The following KCNH1 variants were observed in gnomAD, a reference collection of about 807,000 sequenced individuals.
The protein encoded by KCNH1 is voltage-gated delayed rectifier potassium channel KCNH1.
In KCNH1, 27 loss-of-function variants were observed where a neutral mutation model predicts 69.2. The observed-to-expected ratio is 0.39, with a 90% CI of 0.29 to 0.54. The LOEUF is 0.54. Among genes scored for constraint, KCNH1 ranks in the 20% least tolerant of loss-of-function variants. The pLI is 0.68. For missense variants in KCNH1, 798 were observed against 1,261.6 expected (o/e 0.63, Z 5.57); for synonymous variants, 456 against 487.7 (o/e 0.93, Z 0.86).
intron 10 of KCNH1, among the ~76,000 whole-genome samples, chr1:210,727,428 G>A (rs1682626277): frequency 2.0e-5 from 3 of 152,034 alleles, no homozygotes; most frequent in African/African-American, 7.2e-5. Context: ...TGAACTCCTG[G>A]CCTCAAGAAA....
intron 6 of KCNH1, among the ~76,000 whole-genome samples, chr1:210,963,866 C>T (rs546260355): frequency 6.6e-6 from 1 of 152,284 alleles, no homozygotes; most frequent in African/African-American, 2.4e-5. Flanking sequence ...GGAAAACACT[C>T]TTCAGGATAT....
At position 210,942,223 on chromosome 1, in the gene KCNH1, T is replaced by C. The variant is rs17017069; in HGVS notation, c.1033-22154A>G. 2.7e-3 allele frequency among the ~76,000 whole-genome samples: 411 copies of C among 152,074 alleles called. 1 individual carries two copies. The highest frequency in any genetic ancestry group is 9.7e-3 in the African/African-American group (401 of 41,492). ...AGAATAAGAGAAGCCATAGACAAAA[T>C]AAACTGCTTTCTTGTTAGGAAAACA... On this transcript the variant is annotated intron_variant, in intron 6 of 10. Coordinates refer to ENST00000271751, the MANE Select transcript of KCNH1 (RefSeq NM_172362.3).
intron 7 of KCNH1, among the ~76,000 whole-genome samples, chr1:210,885,517 T>G (rs1686585078): frequency 6.6e-6 from 1 of 151,718 alleles, no homozygotes; most frequent in South Asian, 2.1e-4. Flanking sequence ...CATACCCCAG[T>G]GGCACCTGGA....
intron 5 of KCNH1, among the ~76,000 whole-genome samples, chr1:211,037,864 T>C (rs1051361444): frequency 1.3e-5 from 2 of 152,084 alleles, no homozygotes; most frequent in Non-Finnish European, 2.9e-5. Flanking sequence ...AAGTGAATTA[T>C]GGGGCCAGTC....
At chr1:211,065,576 C>T (rs1419224579) in intron 5 of KCNH1, among the ~76,000 whole-genome samples, 4 of 151,990 alleles carry the variant, frequency 2.6e-5, no homozygotes, top group African/African-American at 9.7e-5. Flanking sequence ...AACATGATGA[C>T]TATAGTTAAT....
At chr1:210,818,445 G>T (rs1232345282) in intron 7 of KCNH1, among the ~76,000 whole-genome samples, 1 of 152,062 alleles carries the variant, frequency 6.6e-6, no homozygotes, top group African/African-American at 2.4e-5. Flanking sequence ...TCAGAGCTTT[G>T]CAGTCACGCT....
At chr1:211,056,177 G>A (rs1045740794) in intron 5 of KCNH1, among the ~76,000 whole-genome samples, 2 of 152,194 alleles carry the variant, frequency 1.3e-5, no homozygotes, top group Non-Finnish European at 2.9e-5. Context: ...GGAACCCACT[G>A]CCCTAAAGGA....
chr1:210,780,462 G>A (rs1683953871), intron 9 of KCNH1, among the ~76,000 whole-genome samples: 1 of 152,130 alleles, frequency 6.6e-6, no homozygotes, highest in Admixed American at 6.5e-5. Context: ...TGCAACTTTT[G>A]CCAGGCACTG....
chr1:211,131,416 C>A (rs982680814), intron 1 of KCNH1, among the ~76,000 whole-genome samples: 14 of 152,106 alleles, frequency 9.2e-5, no homozygotes, highest in African/African-American at 3.1e-4. Context: ...GTTTGCTCTG[C>A]CACTTTGAAT....
At chr1:210,773,326 A>T (rs61829492) in intron 10 of KCNH1, among the ~76,000 whole-genome samples, 20,931 of 152,180 alleles carry the variant, frequency 0.14, 1,480 homozygotes, top group Non-Finnish European at 0.16. Flanking sequence ...GCATTTTATT[A>T]TGTGGAAGTT....
At chr1:210,840,129 T>C (rs6540627) in intron 7 of KCNH1, among the ~76,000 whole-genome samples, 1,531 of 152,298 alleles carry the variant, frequency 0.01, 30 homozygotes, top group African/African-American at 0.035. Flanking sequence ...AAAATGTCTC[T>C]CAACCACAGC....
chr1:211,006,615 T>C (rs544718901), intron 6 of KCNH1, among the ~76,000 whole-genome samples: 10 of 152,198 alleles, frequency 6.6e-5, no homozygotes, highest in Non-Finnish European at 1.2e-4. Flanking sequence ...ACCTGGATGA[T>C]GGCTACATAG....
chr1:210,752,893 CTG>C (rs758725481), intron 10 of KCNH1, among the ~76,000 whole-genome samples: 2 of 152,048 alleles, frequency 1.3e-5, no homozygotes, highest in Non-Finnish European at 2.9e-5. Context: ...GCCCTGAGTC[CTG>C]TGACTATGTT....
intron 6 of KCNH1, among the ~76,000 whole-genome samples, chr1:211,008,076 A>C (rs1380381490): frequency 6.6e-6 from 1 of 152,224 alleles, no homozygotes; most frequent in Non-Finnish European, 1.5e-5. Flanking sequence ...AATTAAAAGC[A>C]GGGACTTGAA....
At chr1:210,821,176 A>G (rs997785202) in intron 7 of KCNH1, among the ~76,000 whole-genome samples, 9 of 152,318 alleles carry the variant, frequency 5.9e-5, no homozygotes, top group African/African-American at 2.2e-4. Flanking sequence ...ATGTTTGATT[A>G]CAATCATCTT....
At chr1:210,923,244 T>C (rs1687501559) in intron 6 of KCNH1, among the ~76,000 whole-genome samples, 1 of 152,184 alleles carries the variant, frequency 6.6e-6, no homozygotes. Context: ...AGAGGGAGCA[T>C]AGAATTCACC....
intron 5 of KCNH1, among the ~76,000 whole-genome samples, chr1:211,034,816 A>G (rs745725180): frequency 6.6e-5 from 10 of 152,278 alleles, no homozygotes; most frequent in Non-Finnish European, 1.2e-4. Flanking sequence ...TTCAGCAAGA[A>G]CTCAAAAGAA....
In KCNH1 at chr1:210,744,153, G is replaced by A. The variant is rs149123736; in HGVS notation, c.2112+31195C>T. ...GCAAGGGGGATGTGGTCCCTCCACC[G>A]GAATGCAGGCTCAGAGTATGCCCAA... On this transcript the variant is annotated intron_variant, in intron 10 of 10. Coordinates refer to ENST00000271751, the MANE Select transcript of KCNH1 (RefSeq NM_172362.3). 4.7e-3 allele frequency among the ~76,000 whole-genome samples: 718 copies of A among 152,272 alleles called. 2 individuals carry two copies. Among genetic ancestry groups the A allele is most frequent in the African/African-American group, 0.014 (591 of 41,540 alleles).
chr1:210,983,283 C>T (rs184693720), intron 6 of KCNH1, among the ~76,000 whole-genome samples: 1 of 152,294 alleles, frequency 6.6e-6, no homozygotes, highest in East Asian at 1.9e-4. Flanking sequence ...AATTAAATCC[C>T]ATTTGTCAAT....
Sources: allele counts gnomAD v4.1 joint callset (sites outside exome capture counted in the v4.1 genomes callset), GRCh38; gene constraint gnomAD v4.1.1; transcripts MANE v1.5; gene names NCBI Gene and HGNC (gene_info 2026-07-23, HGNC 2026-07-21).